Variants in GPC6 observed in about 807,000 individuals in gnomAD.
The protein encoded by GPC6 is glypican-6.
A neutral mutation model predicts 55.2 loss-of-function variants in GPC6; 14 were observed. The observed-to-expected ratio is 0.25, with a 90% CI of 0.17 to 0.40. The LOEUF (loss-of-function observed/expected upper bound fraction) is 0.40. GPC6 is among the 10% of genes least tolerant of loss of function. The pLI, the probability that GPC6 is intolerant of heterozygous loss-of-function variation, is 1.00. For synonymous variants in GPC6, 278 were observed against 259.6 expected (o/e 1.07, Z -0.68); for missense variants, 641 against 708.5 (o/e 0.90, Z 1.08).
At chr13:93,675,329 A>C (rs985944384) in intron 2 of GPC6, among the ~76,000 whole-genome samples, 52 of 149,652 alleles carry the variant, frequency 3.5e-4, no homozygotes, top group African/African-American at 1.2e-3. Flanking sequence ...TTTTTCCTTA[A>C]AAAAAAAAAC....
Position 93,504,411 on chromosome 13 carries a change from C to G in GPC6, c.161-40852C>G, listed in dbSNP as rs376546874. Among the ~76,000 whole-genome samples, 29 of 151,998 alleles carry G rather than the reference C, an allele frequency of 1.9e-4. 1 individual carries two copies. The highest frequency in any genetic ancestry group is 6.7e-4 in the African/African-American group (28 of 41,488). Reference sequence around the variant, plus strand: ...ACCTTGGGTTCTCTCAACCCCTTCTCCCCACTTCTGTATGATTTACAGAGC... The same window carrying G: ...ACCTTGGGTTCTCTCAACCCCTTCTGCCCACTTCTGTATGATTTACAGAGC... On this transcript the variant is annotated intron_variant, in intron 1 of 8. Transcript: ENST00000377047.
intron 5 of GPC6, among the ~76,000 whole-genome samples, chr13:94,290,793 T>C (rs574798147): frequency 6.6e-6 from 1 of 152,342 alleles, no homozygotes; most frequent in South Asian, 2.1e-4. Context: ...ATTAGACATT[T>C]TTGTGGAATT....
intron 2 of GPC6, among the ~76,000 whole-genome samples, chr13:93,683,823 T>G (rs191382844): frequency 3.0e-4 from 45 of 152,252 alleles, no homozygotes; most frequent in African/African-American, 1.1e-3. Context: ...ATTGAATGGC[T>G]TGTAAATGAC....
intron 6 of GPC6, among the ~76,000 whole-genome samples, chr13:94,318,113 C>G (rs1015832769): frequency 6.6e-6 from 1 of 152,138 alleles, no homozygotes; most frequent in African/African-American, 2.4e-5. Flanking sequence ...GCACCGCTCT[C>G]GGCTTCATGG....
chr13:94,003,970 G>A (rs1047260983), intron 3 of GPC6, among the ~76,000 whole-genome samples: 8 of 152,096 alleles, frequency 5.3e-5, no homozygotes, highest in African/African-American at 1.9e-4. Context: ...ACTGCTAATA[G>A]TACATAATCA....
intron 2 of GPC6, among the ~76,000 whole-genome samples, chr13:93,815,467 TCAACCCTGTA>T (rs1886818633): frequency 6.6e-6 from 1 of 152,190 alleles, no homozygotes; most frequent in Admixed American, 6.5e-5. Context: ...CTGCATACAT[TCAACCCTGTA>T]CAATTTCAAA....
At chr13:93,347,929 G>A (rs1168968377) in intron 1 of GPC6, among the ~76,000 whole-genome samples, 1 of 152,110 alleles carries the variant, frequency 6.6e-6, no homozygotes, top group Non-Finnish European at 1.5e-5. Flanking sequence ...ACCAGTGTGG[G>A]CAAAGCTTCA....
At chr13:94,225,428 C>A (rs556867473) in intron 4 of GPC6, among the ~76,000 whole-genome samples, 1 of 152,044 alleles carries the variant, frequency 6.6e-6, no homozygotes, top group Non-Finnish European at 1.5e-5. Context: ...TACTCTCATA[C>A]GGACTTTTTT....
chr13:94,292,051 T>A (rs1199592933), intron 5 of GPC6, among the ~76,000 whole-genome samples: 5 of 152,220 alleles, frequency 3.3e-5, no homozygotes. Context: ...TATTGAGTGC[T>A]TACTGCCAGG....
intron 3 of GPC6, among the ~76,000 whole-genome samples, chr13:93,969,403 G>A (rs1027723467): frequency 2.6e-5 from 4 of 152,118 alleles, no homozygotes; most frequent in Non-Finnish European, 4.4e-5. Flanking sequence ...GCATCTTGTA[G>A]AAAACTTAGG....
At chr13:94,368,083 G>C (rs570291331) in intron 6 of GPC6, among the ~76,000 whole-genome samples, 1 of 150,860 alleles carries the variant, frequency 6.6e-6, no homozygotes, top group Non-Finnish European at 1.5e-5. Flanking sequence ...CAGGAGGCGG[G>C]GGTTGCAGTG....
intron 1 of GPC6, among the ~76,000 whole-genome samples, chr13:93,231,314 CAT>C (rs1161342600): frequency 4.6e-4 from 37 of 80,128 alleles, no homozygotes; most frequent in South Asian, 1.7e-3. Flanking sequence ...TTCCTCATTT[CAT>C]ATATATATAT....
intron 2 of GPC6, among the ~76,000 whole-genome samples, chr13:93,760,710 CT>C (rs1239153742): frequency 2.6e-5 from 4 of 152,184 alleles, no homozygotes; most frequent in African/African-American, 9.7e-5. Flanking sequence ...ATATACCAAC[CT>C]TTGATATGCT....
intron 1 of GPC6, among the ~76,000 whole-genome samples, chr13:93,265,877 T>C (rs1283218136): frequency 6.6e-6 from 1 of 151,980 alleles, no homozygotes; most frequent in Admixed American, 6.6e-5. Flanking sequence ...CAAGGACAAC[T>C]GGCAGGAGCC....
chr13:94,320,507 G>A (rs939681028), intron 6 of GPC6, among the ~76,000 whole-genome samples: 3 of 152,092 alleles, frequency 2.0e-5, no homozygotes, highest in African/African-American at 7.2e-5. Flanking sequence ...GGTGGCCTGT[G>A]TTGAAAGGTA....
intron 4 of GPC6, among the ~76,000 whole-genome samples, chr13:94,243,084 A>G (rs2139028165): frequency 1.3e-5 from 2 of 152,234 alleles, no homozygotes; most frequent in South Asian, 4.1e-4. Flanking sequence ...TAATGATGGA[A>G]TGACATCTTT....
chr13:93,927,488 C>T (rs1343679685), intron 3 of GPC6, among the ~76,000 whole-genome samples: 3 of 151,982 alleles, frequency 2.0e-5, no homozygotes, highest in African/African-American at 4.8e-5. Flanking sequence ...CAACAGGACA[C>T]GTTCCTATAG....
intron 2 of GPC6, among the ~76,000 whole-genome samples, chr13:93,622,838 A>T (rs1469395885): frequency 6.6e-6 from 1 of 152,184 alleles, no homozygotes; most frequent in Non-Finnish European, 1.5e-5. Context: ...ACTGTGAAAT[A>T]GAGTACCAGA....
intron 6 of GPC6, among the ~76,000 whole-genome samples, chr13:94,318,204 T>C (rs964498148): frequency 1.3e-5 from 2 of 152,160 alleles, no homozygotes; most frequent in Non-Finnish European, 2.9e-5. Context: ...TTTTGTCTTA[T>C]CTGTTTGCTC....
Sources: gnomAD v4.1 joint callset for allele counts (sites outside exome capture counted in the v4.1 genomes callset) on GRCh38, gnomAD v4.1.1 for gene constraint, MANE v1.5 for transcripts, NCBI Gene and HGNC (gene_info 2026-07-23, HGNC 2026-07-21) for gene names.